The following COG4 variants were observed in gnomAD, a reference collection of about 807,000 sequenced individuals.
The protein encoded by COG4 is component of oligomeric golgi complex 4, also known as conserved oligomeric Golgi complex subunit 4.
COG4 carries 65 observed loss-of-function variants against 95.1 expected under a neutral mutation model. That is an observed-to-expected ratio of 0.68 (90% CI 0.56 to 0.84). The LOEUF (loss-of-function observed/expected upper bound fraction) is 0.84. Ranked by LOEUF, COG4 falls within the 40% of genes least tolerant of loss-of-function variation. The pLI is 0.00. For synonymous variants in COG4, 421 were observed against 374.8 expected, an observed-to-expected ratio of 1.12 and a Z score of -1.42; for missense variants, 1,045 against 989.1, an observed-to-expected ratio of 1.06 and a Z score of -0.76.
At chr16:70,495,097 T>C (rs1309229116) in intron 12 of COG4, among the ~76,000 whole-genome samples, 1 of 152,022 alleles carries the variant, frequency 6.6e-6, no homozygotes, top group Admixed American at 6.6e-5. Context: ...CAGATCCTTT[T>C]AAGAATATGA....
rs764368705 is a variant in COG4 at position 70,484,670 on chromosome 16, G to A, written c.1711-701C>T. ...AATTCTAGCACTTTGGGAGGCCAAG[G>A]TGCAAGGACCACTTGCGGCCAGAGT... On this transcript the variant is annotated intron_variant, in intron 13 of 18. Coordinates refer to ENST00000323786, the MANE Select transcript of COG4 (RefSeq NM_015386.3). Among the ~76,000 whole-genome samples the A allele has an allele frequency of 1.4e-4, 22 of 152,214 alleles. 1 individual carries two copies. Among genetic ancestry groups the A allele is most frequent in the Non-Finnish European group, 2.4e-4 (16 of 68,048 alleles).
At chr16:70,503,947 T>C (rs1170678023) in intron 8 of COG4, among the ~76,000 whole-genome samples, 1 of 152,212 alleles carries the variant, frequency 6.6e-6, no homozygotes, top group Non-Finnish European at 1.5e-5. Flanking sequence ...TCAGGAATTA[T>C]TTCTTCAACT....
At chr16:70,514,039 T>G (rs1231834981) in intron 4 of COG4, among the ~76,000 whole-genome samples, 2 of 152,054 alleles carry the variant, frequency 1.3e-5, no homozygotes, top group African/African-American at 4.8e-5. Context: ...AAACCCCATC[T>G]CTACTAAAAA....
At chr16:70,498,382 G>T (rs1012089103) in intron 9 of COG4, among the ~76,000 whole-genome samples, 2 of 151,340 alleles carry the variant, frequency 1.3e-5, no homozygotes, top group Non-Finnish European at 2.9e-5. Flanking sequence ...AGGCTGGAGT[G>T]CAATGGCGTG....
At chr16:70,486,903 G>A (rs890877410) in intron 13 of COG4, among the ~76,000 whole-genome samples, 2 of 152,082 alleles carry the variant, frequency 1.3e-5, no homozygotes, top group Non-Finnish European at 2.9e-5. Flanking sequence ...GCTGAGGCAG[G>A]AGAATCGCTT....
Position 70,482,572 on chromosome 16 carries a change from G to C in COG4, c.1920+157C>G, listed in dbSNP as rs995365010. The stretch of plus-strand genomic sequence containing the variant: ...GAGCCCTTCTGACTAGGGACAAACT[G>C]TTTCCTGGGAGGAACCTAGTCTTCA... On this transcript the variant is annotated intron_variant, in intron 15 of 18. Transcript: ENST00000323786. 3.3e-4 allele frequency: 232 copies of C among 706,286 alleles called. 3 individuals are homozygous for C. The highest frequency in any genetic ancestry group is 4.2e-4 in the Non-Finnish European group (163 of 387,508). 43.8% of individuals were successfully genotyped at this position (706,286 alleles called of 1,614,324 possible).
rs149617765 is a variant in COG4, at chr16:70,513,934, G to A, written c.544+401C>T. Among the ~76,000 whole-genome samples the A allele has an allele frequency of 1.4e-3, 206 of 152,242 alleles. 5 individuals carry two copies. Among genetic ancestry groups the A allele is most frequent in the African/African-American group, 4.5e-3 (187 of 41,538 alleles). ...AGACAAGAAAACTTCCTGGCTGGGC[G>A]CAGTAGCTTACACCTGTAATCCCAG... On this transcript the variant is annotated intron_variant, in intron 4 of 18. Transcript: ENST00000323786.
At chr16:70,492,014 A>G (rs893385028) in intron 12 of COG4, among the ~76,000 whole-genome samples, 1 of 152,128 alleles carries the variant, frequency 6.6e-6, no homozygotes, top group African/African-American at 2.4e-5. Flanking sequence ...GATAGTAAAC[A>G]AATGCATTAT....
chr16:70,484,686 C>T (rs1334223585), intron 13 of COG4, among the ~76,000 whole-genome samples: 1 of 152,010 alleles, frequency 6.6e-6, no homozygotes, highest in African/African-American at 2.4e-5. Context: ...GGACCACTTG[C>T]GGCCAGAGTT....
rs149247307 is a variant in COG4, at chr16:70,517,893, C to T, written c.255-153G>A. ...TCTATACTCAGCTTTTTCTCAAGAA[C>T]GTTTGACTGTAAACTCAGACCTATA... On this transcript the variant is annotated intron_variant, in intron 2 of 18. Transcript: ENST00000323786. Among the ~76,000 whole-genome samples the T allele has an allele frequency of 6.5e-3, 991 of 152,220 alleles. 12 individuals carry two copies. Among genetic ancestry groups the T allele is most frequent in the African/African-American group, 0.022 (919 of 41,544 alleles).
In COG4 at chr16:70,480,899, C is replaced by A. The variant is rs1266469091; in HGVS notation, c.*111G>T. 2 of 1,308,946 alleles carry A rather than the reference C, an allele frequency of 1.5e-6. No individual in the cohort carries two copies. Among genetic ancestry groups the A allele is most frequent in the Non-Finnish European group, 2.2e-6 (2 of 919,268 alleles). The allele number at this position is 1,308,946 out of a possible 1,614,324, so 81.1% of individuals were successfully genotyped here. A position where few individuals can be genotyped will look rare whatever the true frequency, so the allele number is the denominator to read the frequency against. ...TCTCTGCTGCCAGCCGTAGAAAGGTCTGGGCTGTCAGATCTCCCCCAAGCC... is the reference window on the plus strand; with the variant it reads ...TCTCTGCTGCCAGCCGTAGAAAGGTATGGGCTGTCAGATCTCCCCCAAGCC... On this transcript the variant is annotated 3_prime_UTR_variant, in exon 19 of 19. Coordinates refer to ENST00000323786, the MANE Select transcript of COG4 (RefSeq NM_015386.3).
chr16:70,508,108 A>G (rs1159595137), intron 8 of COG4, among the ~76,000 whole-genome samples: 1 of 151,692 alleles, frequency 6.6e-6, no homozygotes, highest in African/African-American at 2.4e-5. Context: ...TTTAGTAGAG[A>G]CGGGGTTTCA....
chr16:70,519,073 A>G (rs1421690775), intron 2 of COG4, among the ~76,000 whole-genome samples: 1 of 151,182 alleles, frequency 6.6e-6, no homozygotes, highest in Non-Finnish European at 1.5e-5. Context: ...CCACCCCTAG[A>G]CTTTCTGATT....
chr16:70,500,837 C>G (rs1193678185), intron 9 of COG4, 121 bp downstream of exon 9: 1 of 1,234,812 alleles, frequency 8.1e-7, no homozygotes. Context: ...AATTTGCCTA[C>G]AGACCACCAG....
chr16:70,521,699 ATTTTTTT>A (rs566000095), intron 1 of COG4, among the ~76,000 whole-genome samples: 1 of 133,862 alleles, frequency 7.5e-6, no homozygotes, highest in Non-Finnish European at 1.6e-5. Flanking sequence ...AAGATACTAA[ATTTTTTT>A]TTTTTTTTTT....
intron 18 of COG4, 31 bp from the exon 19 acceptor site, chr16:70,481,175 A>C: frequency 6.2e-7 from 1 of 1,613,114 alleles, no homozygotes; most frequent in South Asian, 1.1e-5. Flanking sequence ...ACCAGTCAGC[A>C]AGGTGGGGTT....
At chr16:70,495,364 T>C (rs992155675) in intron 12 of COG4, among the ~76,000 whole-genome samples, 140 of 139,808 alleles carry the variant, frequency 1.0e-3, no homozygotes, top group African/African-American at 3.8e-3. Flanking sequence ...GCCATTGCAC[T>C]CCAGCCTGGG....
intron 8 of COG4, among the ~76,000 whole-genome samples, chr16:70,507,019 C>T (rs909997373): frequency 1.3e-5 from 2 of 152,126 alleles, no homozygotes; most frequent in South Asian, 4.2e-4. Flanking sequence ...GAGTTCGAGA[C>T]CAGCCTAGGC....
At chr16:70,509,894 T>G (rs769789918) in intron 6 of COG4, 22 bp downstream of exon 6, 1 of 1,568,644 alleles carries the variant, frequency 6.4e-7, no homozygotes. Context: ...CCAGTCTCTC[T>G]AGAGCGGAGA....
Sources: gnomAD v4.1 joint callset for allele counts (sites outside exome capture counted in the v4.1 genomes callset) on GRCh38, gnomAD v4.1.1 for gene constraint, MANE v1.5 for transcripts, NCBI Gene and HGNC (gene_info 2026-07-23, HGNC 2026-07-21) for gene names.